The following PRSS48 variants were observed in gnomAD, a reference collection of about 807,000 sequenced individuals.
The protein encoded by PRSS48 is serine protease 48, also known as epidermis-specific serine protease-like protein.
Under a neutral mutation model 25.6 loss-of-function variants are expected in PRSS48, and 21 were observed. The observed-to-expected ratio is 0.82, with a 90% CI of 0.58 to 1.18. PRSS48 has a LOEUF of 1.18. PRSS48 is among the 50% of genes most tolerant of loss of function. The pLI is 0.00. For missense variants in PRSS48, 373 were observed against 399.3 expected, an observed-to-expected ratio of 0.93 and a Z score of 0.56; for synonymous variants, 150 against 149.3, an observed-to-expected ratio of 1.00 and a Z score of -0.04.
chr4:151,291,563 A>C, downstream of PRSS48: 2 of 688,636 alleles, frequency 2.9e-6, no homozygotes, highest in Non-Finnish European at 4.8e-6. Flanking sequence ...GTGAAGAGTT[A>C]AGAAATAAAA....
intron 4 of PRSS48, among the ~76,000 whole-genome samples, chr4:151,290,431 G>C (rs970545972): frequency 1.3e-5 from 2 of 152,112 alleles, no homozygotes; most frequent in African/African-American, 2.4e-5. Flanking sequence ...AAACATGCCA[G>C]ACACAAAAGG....
intron 4 of PRSS48, among the ~76,000 whole-genome samples, chr4:151,284,141 T>A (rs1774512667): frequency 6.6e-6 from 1 of 152,246 alleles, no homozygotes; most frequent in African/African-American, 2.4e-5. Flanking sequence ...TGGAAATTTT[T>A]CAGTAATGAT....
intron 4 of PRSS48, among the ~76,000 whole-genome samples, chr4:151,285,133 T>C (rs72967576): frequency 0.032 from 4,871 of 152,270 alleles, 270 homozygotes; most frequent in African/African-American, 0.11. Flanking sequence ...CTTCCAAGGA[T>C]TGACTCTAGT....
rs775310615 is a variant in PRSS48, at chr4:151,286,458, T to C, written c.651+3172T>C. 6.9e-4 allele frequency among the ~76,000 whole-genome samples: 104 copies of C among 151,626 alleles called. 2 individuals carry two copies. In the Middle Eastern group the frequency reaches 0.024, roughly 35 times the overall value. The stretch of plus-strand genomic sequence containing the variant: ...AAAAAGAATTTGTAACACACTACTA[T>C]GAATAACAGTATGCCAAAAAATTAG... On this transcript the variant is annotated intron_variant, in intron 4 of 4. Transcript: ENST00000455694.
intron 4 of PRSS48, 136 bp downstream of exon 4, chr4:151,283,422 C>A: frequency 1.3e-4 from 77 of 578,720 alleles, no homozygotes; most frequent in East Asian, 3.0e-4. Flanking sequence ...TTACCCTGGA[C>A]AAATCACTTA....
chr4:151,278,508 T>A (rs1047751704), intron 1 of PRSS48, among the ~76,000 whole-genome samples: 2 of 151,872 alleles, frequency 1.3e-5, no homozygotes, highest in African/African-American at 4.8e-5. Context: ...GTAAGAAAAG[T>A]CTCTAATATA....
rs1774017626 is a variant in PRSS48 at position 151,279,837 on chromosome 4, C to T, written c.94C>T (p.Gln32Ter). 4 of 1,613,086 alleles carry T rather than the reference C, an allele frequency of 2.5e-6. No individual in the cohort carries two copies. In the South Asian group the frequency reaches 3.3e-5, roughly 13 times the overall value. ...ATACTCCAGCCGCGTTGTAGGTGGC[C>T]AGGATGCTGCTGCAGGGCGCTGGCC... The change falls in exon 2 of 5, where the codon CAG becomes TAG. Residue 32 changes from glutamine (Q) to a stop codon, truncating the protein, a stop_gained. Coordinates refer to ENST00000455694, the Ensembl canonical transcript of PRSS48. LOFTEE classifies it high-confidence loss of function.
intron 3 of PRSS48, 71 bp from the exon 4 acceptor site, chr4:151,283,046 C>A: frequency 7.0e-7 from 1 of 1,435,924 alleles, no homozygotes; most frequent in Non-Finnish European, 9.7e-7. Flanking sequence ...GACTTCTGCA[C>A]ATCATGACTG....
intron 2 of PRSS48, 101 bp from the exon 3 acceptor site, chr4:151,282,047 G>T: frequency 8.3e-7 from 1 of 1,206,452 alleles, no homozygotes; most frequent in Non-Finnish European, 1.2e-6. Context: ...ATTCCCAGTT[G>T]GCTACCCTCC....
At chr4:151,287,878 CTCTT>C (rs1561433935) in intron 4 of PRSS48, among the ~76,000 whole-genome samples, 1 of 152,100 alleles carries the variant, frequency 6.6e-6, no homozygotes, top group Non-Finnish European at 1.5e-5. Context: ...AGACCCCTCT[CTCTT>C]TTTTTATTTT....
intron 2 of PRSS48, 78 bp downstream of exon 2, chr4:151,280,036 C>T (rs933794876): frequency 1.2e-6 from 1 of 826,680 alleles, no homozygotes; most frequent in Non-Finnish European, 1.7e-6. Context: ...AACCAAAAGA[C>T]AAATGAAAGT....
At chr4:151,288,042 T>C (rs1350786820) in intron 4 of PRSS48, among the ~76,000 whole-genome samples, 3 of 17,326 alleles carry the variant, frequency 1.7e-4, no homozygotes, top group African/African-American at 6.1e-4. Context: ...TGTCAATAAA[T>C]ATGGAAAAAA....
At chr4:151,283,820 T>G (rs75211918) in intron 4 of PRSS48, among the ~76,000 whole-genome samples, 12,029 of 152,192 alleles carry the variant, frequency 0.079, 538 homozygotes, top group Middle Eastern at 0.12. Context: ...ATAAGTATAT[T>G]ATGAGGTTGA....
chr4:151,279,823 G>A (rs376536700), exon 2 of PRSS48: 33 of 1,613,774 alleles, frequency 2.0e-5, no homozygotes, highest in Non-Finnish European at 2.2e-5. Flanking sequence ...TACTCCAGCC[G>A]CGTTGTAGGT....
rs535653369 is a variant in PRSS48, at chr4:151,285,790, C to A, written c.651+2504C>A. Reference sequence around the variant, plus strand: ...ACTGGGGCAGGAGGATCCCTTGAGCCCAGAAGTTCACATATGTAGTGAGCT... The same window carrying A: ...ACTGGGGCAGGAGGATCCCTTGAGCACAGAAGTTCACATATGTAGTGAGCT... On this transcript the variant is annotated intron_variant, in intron 4 of 4. Transcript: ENST00000455694. Among the ~76,000 whole-genome samples the A allele has an allele frequency of 3.6e-4, 55 of 151,922 alleles. No homozygotes were observed. In the East Asian group the frequency reaches 8.7e-3, roughly 24 times the overall value.
At chr4:151,284,411 G>C (rs1774539784) in intron 4 of PRSS48, among the ~76,000 whole-genome samples, 1 of 151,940 alleles carries the variant, frequency 6.6e-6, no homozygotes, top group Non-Finnish European at 1.5e-5. Flanking sequence ...ATGACCATTT[G>C]GTTTTATTCT....
chr4:151,290,926 T>A (rs1394122197), intron 4 of PRSS48, among the ~76,000 whole-genome samples, 192 bp from the exon 5 acceptor site: 1 of 152,248 alleles, frequency 6.6e-6, no homozygotes, highest in Non-Finnish European at 1.5e-5. Context: ...CTAAGGTCTC[T>A]GACAATTTCA....
intron 2 of PRSS48, 49 bp downstream of exon 2, chr4:151,280,007 T>G: frequency 7.9e-7 from 1 of 1,268,282 alleles, no homozygotes; most frequent in Non-Finnish European, 1.0e-6. Flanking sequence ...CAGTGAATAT[T>G]TGCATCACTT....
chr4:151,286,568 CT>C (rs1185111540), intron 4 of PRSS48, among the ~76,000 whole-genome samples: 1 of 148,712 alleles, frequency 6.7e-6, no homozygotes, highest in East Asian at 2.0e-4. Flanking sequence ...CTGAATAAAC[CT>C]AATAAAAAGT....
Sources: gnomAD v4.1 joint callset for allele counts (sites outside exome capture counted in the v4.1 genomes callset) on GRCh38, gnomAD v4.1.1 for gene constraint, MANE v1.5 for transcripts, NCBI Gene and HGNC (gene_info 2026-07-23, HGNC 2026-07-21) for gene names.